Variants in BAZ2B observed in about 807,000 individuals in gnomAD.
The protein encoded by BAZ2B is bromodomain adjacent to zinc finger domain protein 2B.
Under a neutral mutation model 246.0 loss-of-function variants are expected in BAZ2B, and 91 were observed. That is an observed-to-expected ratio of 0.37 (90% CI 0.31 to 0.44). The LOEUF is 0.44. BAZ2B is among the 20% of genes least tolerant of loss of function. The pLI is 1.00. For synonymous variants in BAZ2B, 855 were observed against 860.0 expected (o/e 0.99, Z 0.10); for missense variants, 2,332 against 2,533.7 (o/e 0.92, Z 1.71).
intron 10 of BAZ2B, among the ~76,000 whole-genome samples, chr2:159,430,616 A>G (rs549494381): frequency 1.3e-5 from 2 of 152,290 alleles, no homozygotes; most frequent in Admixed American, 1.3e-4. Context: ...CTGAACACAA[A>G]AGCAGAAAGG....
At chr2:159,695,794 G>T in the BAZ2B span, among the ~76,000 whole-genome samples, 1 of 151,162 alleles carries the variant, frequency 6.6e-6, no homozygotes, top group South Asian at 2.1e-4. Context: ...TCACTCTGTC[G>T]CCCAGGCTGG....
the BAZ2B span, among the ~76,000 whole-genome samples, chr2:159,630,413 CAT>C: frequency 6.6e-6 from 1 of 152,170 alleles, no homozygotes; most frequent in Admixed American, 6.5e-5. Context: ...GTGGCATAAC[CAT>C]AGAGAATTAT....
chr2:159,591,463 A>G lies in BAZ2B; in HGVS notation c.-46+24779T>C, dbSNP rs551285864. On this transcript the variant is annotated intron_variant, in intron 1 of 36. Coordinates refer to ENST00000392783, the MANE Select transcript of BAZ2B (RefSeq NM_013450.4). ...ACAAAGGTAGGATAAGGAAAACAGAAGGAACACTTTAAGATAACAGCTAAG... is the reference window on the plus strand; with the variant it reads ...ACAAAGGTAGGATAAGGAAAACAGAGGGAACACTTTAAGATAACAGCTAAG... Among the ~76,000 whole-genome samples, 105 of 152,358 alleles carry G rather than the reference A, an allele frequency of 6.9e-4. 1 individual carries two copies. Among genetic ancestry groups the G allele is most frequent in the Non-Finnish European group, 1.1e-3 (75 of 68,032 alleles).
chr2:159,337,218 G>T, intron 32 of BAZ2B, 141 bp from the exon 33 acceptor site: 1 of 1,147,004 alleles, frequency 8.7e-7, no homozygotes, highest in Non-Finnish European at 1.2e-6. Context: ...AACTAAATTT[G>T]ATGTAGTGCA....
the BAZ2B span, among the ~76,000 whole-genome samples, chr2:159,643,594 G>C: frequency 7.2e-5 from 11 of 152,132 alleles, no homozygotes; most frequent in African/African-American, 2.7e-4. Flanking sequence ...GTCTTAACTT[G>C]GCTGGTGCGG....
intron 34 of BAZ2B, among the ~76,000 whole-genome samples, chr2:159,329,488 C>G (rs980284971): frequency 1.3e-5 from 2 of 152,116 alleles, no homozygotes; most frequent in African/African-American, 4.8e-5. Flanking sequence ...CAAACACATA[C>G]ACATCTTTTC....
chr2:159,377,994 A>G (rs58043897), intron 25 of BAZ2B, among the ~76,000 whole-genome samples: 2,383 of 152,312 alleles, frequency 0.016, 72 homozygotes, highest in African/African-American at 0.054. Context: ...GTTTAGTAAG[A>G]TAACTATACA....
At chr2:159,409,774 AATAG>A in intron 14 of BAZ2B, among the ~76,000 whole-genome samples, 1 of 152,198 alleles carries the variant, frequency 6.6e-6, no homozygotes, top group East Asian at 1.9e-4. Context: ...TGTAAATATT[AATAG>A]ATTATTTACT....
Position 159,429,226 on chromosome 2 carries a change from A to G in BAZ2B, c.2229T>C (p.Arg743=), listed in dbSNP as rs1228436609. ...CATATTCCAATGGAATACGCAGTTC[A>G]CGTTCATCTGTTACTCTTCTTCTTT... is the stretch of plus-strand genomic sequence containing the variant. ...TSKRRRVTDE[R]ELRIPLEYGW... The change falls in exon 11 of 37, where the codon CGT becomes CGC. Residue 743 remains arginine, a synonymous_variant. Transcript: ENST00000392783. The G allele has an allele frequency of 1.3e-6, 2 of 1,562,202 alleles. No individual in the cohort carries two copies. The highest frequency in any genetic ancestry group is 1.7e-6 in the Non-Finnish European group (2 of 1,149,558).
At chr2:159,588,064 T>C (rs1367943062) in intron 1 of BAZ2B, among the ~76,000 whole-genome samples, 1 of 151,868 alleles carries the variant, frequency 6.6e-6, no homozygotes, top group Non-Finnish European at 1.5e-5. Flanking sequence ...CACGGTGGCA[T>C]GTGTCTGTAG....
rs1307311449 is a variant in BAZ2B at position 159,448,329 on chromosome 2, G to A, written c.415C>T (p.Leu139=). The part of the protein sequence containing the change: ...FFPPLLGIPP[L]FAPPAQNHDS... ...TGATTCTGGGCTGGGGGAGCAAATA[G>A]TGGTGGAATTCCCAGTAATGGTGGA... The change falls in exon 5 of 37, where the codon CTA becomes TTA. Residue 139 remains leucine, a synonymous_variant. Coordinates refer to ENST00000392783, the MANE Select transcript of BAZ2B (RefSeq NM_013450.4). The A allele has an allele frequency of 1.2e-6, 2 of 1,613,384 alleles. No individual in the cohort carries two copies. The highest frequency in any genetic ancestry group is 2.7e-5 in the African/African-American group (2 of 74,856).
chr2:159,567,020 A>T (rs1423767513), intron 1 of BAZ2B, among the ~76,000 whole-genome samples: 1 of 152,100 alleles, frequency 6.6e-6, no homozygotes, highest in East Asian at 1.9e-4. Context: ...GAGGCGAGTG[A>T]TCACCTGAGG....
chr2:159,686,407 A>G, the BAZ2B span, among the ~76,000 whole-genome samples: 1 of 152,238 alleles, frequency 6.6e-6, no homozygotes, highest in Non-Finnish European at 1.5e-5. Context: ...TTTCCAAAAA[A>G]CAAATAACCC....
At chr2:159,337,854 T>C (rs1051333474) in intron 31 of BAZ2B, 82 bp from the exon 32 acceptor site, 23 of 1,311,666 alleles carry the variant, frequency 1.8e-5, no homozygotes, top group Non-Finnish European at 2.3e-5. Flanking sequence ...AAATACAGCA[T>C]TGGATACTGG....
intron 14 of BAZ2B, among the ~76,000 whole-genome samples, chr2:159,407,319 A>G (rs2149833710): frequency 6.6e-6 from 1 of 151,960 alleles, no homozygotes; most frequent in East Asian, 2.0e-4. Context: ...TAAAAATACA[A>G]AAATTAGCCA....
chr2:159,648,933 C>T, the BAZ2B span, among the ~76,000 whole-genome samples: 44 of 152,216 alleles, frequency 2.9e-4, no homozygotes, highest in Non-Finnish European at 5.7e-4. Flanking sequence ...TACATTCCCA[C>T]CAACAGTGAA....
chr2:159,445,465 A>G (rs907966491), intron 6 of BAZ2B, among the ~76,000 whole-genome samples: 3 of 152,146 alleles, frequency 2.0e-5, no homozygotes, highest in African/African-American at 7.2e-5. Flanking sequence ...TAAGTTTCAG[A>G]CTTTGTGGGA....
intron 1 of BAZ2B, among the ~76,000 whole-genome samples, chr2:159,574,916 GC>G (rs1331988602): frequency 1.3e-5 from 2 of 151,742 alleles, no homozygotes; most frequent in Admixed American, 1.3e-4. Flanking sequence ...GCTGCAGTGA[GC>G]CAAGATCCTA....
At chr2:159,502,732 T>A (rs1033137004) in intron 2 of BAZ2B, among the ~76,000 whole-genome samples, 4 of 152,344 alleles carry the variant, frequency 2.6e-5, no homozygotes, top group African/African-American at 9.6e-5. Flanking sequence ...ATATTCTTGA[T>A]TCTAGACTCT....
Sources: allele counts gnomAD v4.1 joint callset (sites outside exome capture counted in the v4.1 genomes callset), GRCh38; gene constraint gnomAD v4.1.1; transcripts MANE v1.5; gene names NCBI Gene and HGNC (gene_info 2026-07-23, HGNC 2026-07-21).